The following SLC24A2 variants were observed in gnomAD, a reference collection of about 807,000 sequenced individuals.
The protein encoded by SLC24A2 is sodium/potassium/calcium exchanger 2.
Under a neutral mutation model 62.0 loss-of-function variants are expected in SLC24A2, and 36 were observed. That is an observed-to-expected ratio of 0.58 (90% confidence interval 0.44 to 0.77). The LOEUF (loss-of-function observed/expected upper bound fraction) is 0.77. SLC24A2 is among the 30% of genes least tolerant of loss of function. The pLI is 0.00. For missense variants in SLC24A2, 846 were observed against 817.9 expected, an observed-to-expected ratio of 1.03 and a Z score of -0.42; for synonymous variants, 358 against 294.0, an observed-to-expected ratio of 1.22 and a Z score of -2.23.
At chr9:20,180,206 A>T in the SLC24A2 span, among the ~76,000 whole-genome samples, 9 of 152,114 alleles carry the variant, frequency 5.9e-5, no homozygotes, top group African/African-American at 1.9e-4. Context: ...TCTTTTTTTA[A>T]AAGTTTTCTT....
chr9:19,534,579 C>A (rs763267893), intron 8 of SLC24A2, among the ~76,000 whole-genome samples: 3 of 151,722 alleles, frequency 2.0e-5, no homozygotes, highest in Non-Finnish European at 4.4e-5. Context: ...CATTGTTCAA[C>A]TCCCACTTAT....
intron 2 of SLC24A2, among the ~76,000 whole-genome samples, chr9:19,754,089 A>G (rs186029228): frequency 5.6e-4 from 85 of 152,322 alleles, no homozygotes; most frequent in African/African-American, 1.9e-3. Flanking sequence ...TTTAAACTAC[A>G]CTATGAAGGT....
the SLC24A2 span, among the ~76,000 whole-genome samples, chr9:19,960,734 T>G: frequency 6.6e-6 from 1 of 152,126 alleles, no homozygotes; most frequent in East Asian, 1.9e-4. Flanking sequence ...AGCTGTGTGA[T>G]CTTAGGCAAA....
At chr9:19,664,235 G>T (rs1819184729) in intron 2 of SLC24A2, among the ~76,000 whole-genome samples, 1 of 152,202 alleles carries the variant, frequency 6.6e-6, no homozygotes, top group Admixed American at 6.5e-5. Context: ...CATAAATTAG[G>T]AAGATTATTT....
At chr9:20,226,417 T>A in the SLC24A2 span, among the ~76,000 whole-genome samples, 1 of 152,104 alleles carries the variant, frequency 6.6e-6, no homozygotes, top group Non-Finnish European at 1.5e-5. Flanking sequence ...ACTGCATACA[T>A]ATGGCATCTG....
the SLC24A2 span, among the ~76,000 whole-genome samples, chr9:19,875,998 TAGAATACCA>T: frequency 6.6e-6 from 1 of 152,184 alleles, no homozygotes; most frequent in Non-Finnish European, 1.5e-5. Context: ...CAAGAGTTAG[TAGAATACCA>T]ACACTTTCTC....
the SLC24A2 span, among the ~76,000 whole-genome samples, chr9:20,085,485 T>G: frequency 6.6e-6 from 1 of 152,242 alleles, no homozygotes; most frequent in Non-Finnish European, 1.5e-5. Flanking sequence ...TCTCAATTGT[T>G]CATTATTTCT....
the SLC24A2 span, among the ~76,000 whole-genome samples, chr9:20,028,061 C>A: frequency 6.6e-6 from 1 of 152,100 alleles, no homozygotes; most frequent in Non-Finnish European, 1.5e-5. Context: ...GCAGGGGAGA[C>A]CCCTGGAATA....
chr9:19,584,273 T>TAAAAAAAAAAAAAAAAAAACAAAAAA (rs1836294641), intron 5 of SLC24A2, among the ~76,000 whole-genome samples: 1 of 119,946 alleles, frequency 8.3e-6, no homozygotes, highest in Non-Finnish European at 1.7e-5. Context: ...TAGCAAATAG[T>TAAAAAAAAAAAAAAAAAAACAAAAAA]AAAAAAAAAA....
the SLC24A2 span, among the ~76,000 whole-genome samples, chr9:20,015,943 A>G: frequency 6.6e-6 from 1 of 152,228 alleles, no homozygotes; most frequent in Non-Finnish European, 1.5e-5. Flanking sequence ...AGGGATCACT[A>G]CTAGATTATC....
the SLC24A2 span, among the ~76,000 whole-genome samples, chr9:20,199,694 G>A: frequency 6.6e-6 from 1 of 151,580 alleles, no homozygotes; most frequent in Non-Finnish European, 1.5e-5. Flanking sequence ...CTGATATTCT[G>A]ATATCTGGGT....
At chr9:20,136,911 C>T in the SLC24A2 span, among the ~76,000 whole-genome samples, 30 of 151,980 alleles carry the variant, frequency 2.0e-4, no homozygotes, top group Middle Eastern at 3.2e-3. Flanking sequence ...GACTTTACGC[C>T]GCATTAAAAG....
chr9:19,790,327 A>G (rs115957081), upstream of SLC24A2, among the ~76,000 whole-genome samples: 577 of 152,328 alleles, frequency 3.8e-3, 4 homozygotes, highest in African/African-American at 0.013. Context: ...AGCTTGAACA[A>G]TTATGAACTC....
chr9:19,704,329 T>C (rs1282845623), intron 2 of SLC24A2, among the ~76,000 whole-genome samples: 1 of 152,198 alleles, frequency 6.6e-6, no homozygotes, highest in East Asian at 1.9e-4. Context: ...TTCCATATGA[T>C]ACTATATTGG....
At chr9:19,875,257 A>G in the SLC24A2 span, among the ~76,000 whole-genome samples, 2 of 152,204 alleles carry the variant, frequency 1.3e-5, no homozygotes, top group South Asian at 2.1e-4. Context: ...GTTAAAAAAT[A>G]CCAGTGTACT....
At chr9:20,278,400 A>G in the SLC24A2 span, among the ~76,000 whole-genome samples, 1 of 152,158 alleles carries the variant, frequency 6.6e-6, no homozygotes, top group African/African-American at 2.4e-5. Flanking sequence ...ATGAACAACC[A>G]AGACACATCT....
chr9:19,908,048 C>T, the SLC24A2 span, among the ~76,000 whole-genome samples: 1 of 152,146 alleles, frequency 6.6e-6, no homozygotes, highest in African/African-American at 2.4e-5. Context: ...GCCAAAAGAA[C>T]AAAGCTGGAG....
chr9:20,213,077 G>A, the SLC24A2 span, among the ~76,000 whole-genome samples: 1 of 151,588 alleles, frequency 6.6e-6, no homozygotes, highest in Non-Finnish European at 1.5e-5. Flanking sequence ...TGCATACTGG[G>A]CTTAATATGT....
chr9:19,615,994 GCACACACACACACACACACACACACACA>G (rs3220155), intron 4 of SLC24A2, among the ~76,000 whole-genome samples: 1 of 140,796 alleles, frequency 7.1e-6, no homozygotes, highest in Non-Finnish European at 1.5e-5. Flanking sequence ...TCACAGGCGT[GCACACACACACACACACACACACACACA>G]CACACACACA....
Sources: gnomAD v4.1 joint callset for allele counts (sites outside exome capture counted in the v4.1 genomes callset) on GRCh38, gnomAD v4.1.1 for gene constraint, MANE v1.5 for transcripts, NCBI Gene and HGNC (gene_info 2026-07-23, HGNC 2026-07-21) for gene names.